Variants in THSD7B observed in about 807,000 individuals in gnomAD.
THSD7B encodes thrombospondin type 1 domain containing 7B, also known as thrombospondin type-1 domain-containing protein 7B.
In THSD7B, 138 loss-of-function variants were observed where a neutral mutation model predicts 213.6. The observed-to-expected ratio is 0.65, with a 90% CI of 0.56 to 0.74. THSD7B has a LOEUF of 0.74. Among genes scored for constraint, THSD7B ranks in the 30% least tolerant of loss-of-function variants. The pLI is 0.00. For missense variants in THSD7B, 1,931 were observed against 1,991.5 expected, an observed-to-expected ratio of 0.97 and a Z score of 0.58; for synonymous variants, 742 against 687.0, an observed-to-expected ratio of 1.08 and a Z score of -1.25.
At chr2:137,446,808 T>C (rs898522519) in intron 14 of THSD7B, among the ~76,000 whole-genome samples, 4 of 152,088 alleles carry the variant, frequency 2.6e-5, no homozygotes, top group African/African-American at 9.7e-5. Flanking sequence ...CGTGAAATAT[T>C]ATGTAGATGG....
At position 136,954,491 on chromosome 2, in the gene THSD7B, C is replaced by T. The variant is rs374197386; in HGVS notation, c.139+72174C>T. On this transcript the variant is annotated intron_variant, in intron 2 of 27. Transcript: ENST00000409968. ...CAGCCCTTTGGGAGGCCGAGGCGGG[C>T]GGATCTTGAGGTCAGGAGATCGAGA... is the stretch of plus-strand genomic sequence containing the variant. 8.4e-3 allele frequency among the ~76,000 whole-genome samples: 1,272 copies of T among 151,974 alleles called. 20 individuals are homozygous for T. Among genetic ancestry groups the T allele is most frequent in the African/African-American group, 0.029 (1,212 of 41,442 alleles).
At position 137,081,202 on chromosome 2, in the gene THSD7B, G is replaced by C. The variant is rs1023798387; in HGVS notation, c.951-13671G>C. On this transcript the variant is annotated intron_variant, in intron 3 of 27. Coordinates refer to ENST00000409968, the MANE Select transcript of THSD7B (RefSeq NM_001316349.2). ...TCGATTGATCTGGATTAGATTTTCAGGGGATATAGTAGTTCGTTTCAATGT... is the reference window on the plus strand; with the variant it reads ...TCGATTGATCTGGATTAGATTTTCACGGGATATAGTAGTTCGTTTCAATGT... 2.6e-5 allele frequency among the ~76,000 whole-genome samples: 4 copies of C among 152,052 alleles called. 1 individual carries two copies. The highest frequency in any genetic ancestry group is 5.9e-5 in the Non-Finnish European group (4 of 67,984).
At chr2:137,476,196 T>C (rs545325702) in intron 15 of THSD7B, among the ~76,000 whole-genome samples, 85 of 152,270 alleles carry the variant, frequency 5.6e-4, no homozygotes, top group African/African-American at 2.0e-3. Flanking sequence ...TTGAGTTCCT[T>C]GTATATACTG....
At chr2:137,395,372 AGGGTTGTT>A (rs1186915484) in intron 12 of THSD7B, among the ~76,000 whole-genome samples, 1 of 150,412 alleles carries the variant, frequency 6.6e-6, no homozygotes, top group Non-Finnish European at 1.5e-5. Context: ...TTTAGCATGA[AGGGTTGTT>A]GAATTTTGTC....
At chr2:137,000,137 A>G (rs1433379528) in intron 2 of THSD7B, among the ~76,000 whole-genome samples, 12 of 152,172 alleles carry the variant, frequency 7.9e-5, no homozygotes, top group Admixed American at 7.9e-4. Flanking sequence ...ACAAACACAG[A>G]GTTAGGATAT....
chr2:136,988,323 C>A (rs1261361376), intron 2 of THSD7B, among the ~76,000 whole-genome samples: 1 of 152,160 alleles, frequency 6.6e-6, no homozygotes, highest in Non-Finnish European at 1.5e-5. Context: ...GTATTTCAGT[C>A]TGATTTGTAA....
In THSD7B at chr2:137,404,458, TATATATATATATATATACAC is replaced by T. The variant is rs1156340430; in HGVS notation, c.2501-1153_2501-1134del. On this transcript the variant is annotated intron_variant, in intron 12 of 27. Coordinates refer to ENST00000409968, the MANE Select transcript of THSD7B (RefSeq NM_001316349.2). ...ATATATATATATATATATATATATA[TATATATATATATATATACAC>T]ACACACACACACACACACACACACA... is the stretch of plus-strand genomic sequence containing the variant. Among the ~76,000 whole-genome samples, 8 of 108,448 alleles carry T rather than the reference TATATATATATATATATACAC, an allele frequency of 7.4e-5. No homozygotes were observed. The East Asian group carries it at 1.0e-3, about 14-fold the overall frequency. 71.1% of individuals were successfully genotyped at this position (108,448 alleles called of 152,430 possible).
At chr2:137,240,274 C>T (rs542250180) in intron 9 of THSD7B, among the ~76,000 whole-genome samples, 1 of 152,276 alleles carries the variant, frequency 6.6e-6, no homozygotes, top group Admixed American at 6.5e-5. Context: ...AACATTTTAT[C>T]CCAAAACAAA....
intron 15 of THSD7B, among the ~76,000 whole-genome samples, chr2:137,494,973 C>G (rs147898182): frequency 6.6e-6 from 1 of 152,284 alleles, no homozygotes; most frequent in East Asian, 1.9e-4. Context: ...ATTACCATCT[C>G]TACCCCACAC....
intron 2 of THSD7B, among the ~76,000 whole-genome samples, chr2:136,943,134 T>A (rs1442081915): frequency 2.0e-5 from 3 of 152,252 alleles, no homozygotes; most frequent in Non-Finnish European, 4.4e-5. Flanking sequence ...TCTACTGAGA[T>A]AATCATGTGG....
chr2:137,422,732 T>C (rs1266024475), intron 14 of THSD7B, among the ~76,000 whole-genome samples: 1 of 152,084 alleles, frequency 6.6e-6, no homozygotes, highest in Non-Finnish European at 1.5e-5. Flanking sequence ...AGTCAGACCA[T>C]ACTTTAATTT....
chr2:136,986,261 G>C (rs72848264), intron 2 of THSD7B, among the ~76,000 whole-genome samples: 9 of 152,068 alleles, frequency 5.9e-5, no homozygotes, highest in African/African-American at 1.9e-4. Context: ...TGGGCAGCCA[G>C]GGATGGAATG....
chr2:137,237,390 G>A (rs11904070), intron 9 of THSD7B, among the ~76,000 whole-genome samples: 54,830 of 151,896 alleles, frequency 0.36, 10,065 homozygotes, highest in East Asian at 0.48. Flanking sequence ...AATAGCTGGA[G>A]AAATAAGTCT....
At chr2:137,608,332 A>G (rs1682225634) in intron 17 of THSD7B, among the ~76,000 whole-genome samples, 1 of 151,108 alleles carries the variant, frequency 6.6e-6, no homozygotes, top group South Asian at 2.1e-4. Flanking sequence ...TCAGATTACA[A>G]TAACTGCAAT....
At chr2:137,097,965 A>G (rs1688071708) in intron 4 of THSD7B, among the ~76,000 whole-genome samples, 1 of 152,204 alleles carries the variant, frequency 6.6e-6, no homozygotes, top group Admixed American at 6.5e-5. Context: ...ATCAGCTAAC[A>G]TTCTAATTTG....
chr2:137,156,400 C>T (rs540293031), intron 5 of THSD7B, among the ~76,000 whole-genome samples: 3 of 152,114 alleles, frequency 2.0e-5, no homozygotes, highest in African/African-American at 4.8e-5. Flanking sequence ...GCTGAAGAGA[C>T]ATGACTACTT....
At chr2:137,018,535 G>A (rs1686384156) in intron 2 of THSD7B, among the ~76,000 whole-genome samples, 2 of 152,244 alleles carry the variant, frequency 1.3e-5, no homozygotes, top group East Asian at 3.9e-4. Flanking sequence ...TTACAGTGAT[G>A]CTTTCAACAA....
chr2:137,235,392 C>T (rs1178693744), intron 9 of THSD7B, among the ~76,000 whole-genome samples: 1 of 152,088 alleles, frequency 6.6e-6, no homozygotes, highest in African/African-American at 2.4e-5. Flanking sequence ...TCATCTTTGA[C>T]CCACTATGAC....
intron 2 of THSD7B, among the ~76,000 whole-genome samples, chr2:136,894,434 A>AG (rs1683917579): frequency 6.6e-6 from 1 of 152,196 alleles, no homozygotes; most frequent in Non-Finnish European, 1.5e-5. Context: ...CTAGGTCCTA[A>AG]GCCATGCTGT....
Sources: gnomAD v4.1 joint callset for allele counts (sites outside exome capture counted in the v4.1 genomes callset) on GRCh38, gnomAD v4.1.1 for gene constraint, MANE v1.5 for transcripts, NCBI Gene and HGNC (gene_info 2026-07-23, HGNC 2026-07-21) for gene names.